The following CSMD1 variants were observed in gnomAD, a reference collection of about 807,000 sequenced individuals.
The protein encoded by CSMD1 is CUB and Sushi multiple domains 1, also known as CUB and sushi domain-containing protein 1.
Under a neutral mutation model 417.5 loss-of-function variants are expected in CSMD1, and 213 were observed. The observed-to-expected ratio is 0.51, with a 90% CI of 0.46 to 0.57. CSMD1 has a LOEUF of 0.57. Among genes scored for constraint, CSMD1 ranks in the 20% least tolerant of loss-of-function variants. CSMD1 has a pLI of 0.00. For synonymous variants in CSMD1, 2,862 were observed against 1,736.8 expected, an observed-to-expected ratio of 1.65 and a Z score of -16.11; for missense variants, 6,923 against 4,529.7, an observed-to-expected ratio of 1.53 and a Z score of -15.17.
chr8:3,494,772 G>T (rs1051447358), intron 10 of CSMD1, among the ~76,000 whole-genome samples: 1 of 152,140 alleles, frequency 6.6e-6, no homozygotes, highest in African/African-American at 2.4e-5. Flanking sequence ...GGGACAGGAG[G>T]AACAGAAACC....
intron 2 of CSMD1, among the ~76,000 whole-genome samples, chr8:4,429,475 C>T (rs1362001261): frequency 1.3e-5 from 2 of 151,302 alleles, no homozygotes; most frequent in African/African-American, 4.8e-5. Flanking sequence ...GCAACTCCTC[C>T]TGTCAATTGG....
chr8:3,891,539 C>G (rs1806974266), intron 5 of CSMD1, among the ~76,000 whole-genome samples: 2 of 151,974 alleles, frequency 1.3e-5, no homozygotes. Context: ...AAAAAAAAGC[C>G]AATAGTGGGG....
chr8:4,107,274 C>T (rs572396997), intron 3 of CSMD1, among the ~76,000 whole-genome samples: 16 of 152,216 alleles, frequency 1.1e-4, no homozygotes, highest in African/African-American at 3.6e-4. Flanking sequence ...AAGTGCTTGC[C>T]ATTTCAACAC....
intron 11 of CSMD1, among the ~76,000 whole-genome samples, chr8:3,480,667 A>G (rs1817690059): frequency 6.6e-6 from 1 of 152,154 alleles, no homozygotes; most frequent in African/African-American, 2.4e-5. Context: ...CTAAAGACAG[A>G]AAAAACAACC....
At chr8:3,021,956 C>T (rs1291343960) in intron 51 of CSMD1, among the ~76,000 whole-genome samples, 1 of 150,412 alleles carries the variant, frequency 6.6e-6, no homozygotes, top group African/African-American at 2.5e-5. Flanking sequence ...TGCGATCCCA[C>T]AGCATCTGGA....
intron 10 of CSMD1, among the ~76,000 whole-genome samples, chr8:3,529,010 A>G (rs1028381651): frequency 5.9e-5 from 9 of 152,218 alleles, no homozygotes; most frequent in African/African-American, 2.2e-4. Context: ...GAAGCCCAAA[A>G]TATTATCAAT....
At chr8:4,221,389 A>C (rs1801022070) in intron 3 of CSMD1, among the ~76,000 whole-genome samples, 1 of 152,220 alleles carries the variant, frequency 6.6e-6, no homozygotes, top group African/African-American at 2.4e-5. Context: ...AAAAAAAAAA[A>C]AAAACAACAC....
chr8:3,740,645 G>T (rs1222320154), intron 6 of CSMD1, among the ~76,000 whole-genome samples: 1 of 152,144 alleles, frequency 6.6e-6, no homozygotes, highest in Non-Finnish European at 1.5e-5. Context: ...CAAATGTAGG[G>T]ACCTGGGATG....
At chr8:3,055,321 C>G (rs967426162) in intron 49 of CSMD1, among the ~76,000 whole-genome samples, 1 of 152,100 alleles carries the variant, frequency 6.6e-6, no homozygotes, top group African/African-American at 2.4e-5. Flanking sequence ...GATCAACAAC[C>G]GGGAATCTTT....
chr8:4,649,100 T>C (rs1352945564), intron 1 of CSMD1, among the ~76,000 whole-genome samples: 1 of 152,178 alleles, frequency 6.6e-6, no homozygotes, highest in Non-Finnish European at 1.5e-5. Flanking sequence ...GAGTCATCAT[T>C]GATACACCTG....
At chr8:4,606,351 G>A (rs1278526069) in intron 2 of CSMD1, among the ~76,000 whole-genome samples, 2 of 151,804 alleles carry the variant, frequency 1.3e-5, no homozygotes, top group Non-Finnish European at 2.9e-5. Context: ...AAGGAAACAG[G>A]GAGAGAAAAA....
At chr8:3,245,184 C>T (rs774604166) in intron 26 of CSMD1, among the ~76,000 whole-genome samples, 1 of 152,206 alleles carries the variant, frequency 6.6e-6, no homozygotes, top group African/African-American at 2.4e-5. Context: ...GCACTCCTGT[C>T]TTCTGAGTTG....
In CSMD1 at chr8:4,077,279, C is replaced by CTATATATATATATGTATATA. The variant is rs1281597523; in HGVS notation, c.416-45181_416-45180insTATATACATATATATATATA. 4.5e-3 allele frequency among the ~76,000 whole-genome samples: 426 copies of CTATATATATATATGTATATA among 94,964 alleles called. 7 individuals are homozygous for CTATATATATATATGTATATA. Among genetic ancestry groups the CTATATATATATATGTATATA allele is most frequent in the Admixed American group, 8.9e-3 (85 of 9,594 alleles). 62.3% of individuals were successfully genotyped at this position (94,964 alleles called of 152,430 possible). ...CCCACTGTAAAAGCCCATTTGTCAC[C>CTATATATATATATGTATATA]TATATATATATATATGTGTATATAT... On this transcript the variant is annotated intron_variant, in intron 3 of 69. Coordinates refer to ENST00000635120, the MANE Select transcript of CSMD1 (RefSeq NM_033225.6).
chr8:3,550,486 G>A (rs572850107), intron 10 of CSMD1, among the ~76,000 whole-genome samples: 4 of 152,202 alleles, frequency 2.6e-5, no homozygotes, highest in African/African-American at 4.8e-5. Flanking sequence ...CATATCGATG[G>A]GGTGCACAGT....
At chr8:4,917,986 T>C (rs545443165) in intron 1 of CSMD1, among the ~76,000 whole-genome samples, 2 of 152,318 alleles carry the variant, frequency 1.3e-5, no homozygotes, top group Admixed American at 1.3e-4. Flanking sequence ...ATTGTTACTG[T>C]CTGTGATAAC....
chr8:3,157,706 G>C (rs1819619185), intron 39 of CSMD1, among the ~76,000 whole-genome samples, 191 bp downstream of exon 39: 1 of 152,250 alleles, frequency 6.6e-6, no homozygotes, highest in Admixed American at 6.5e-5. Flanking sequence ...AGAAGACGGA[G>C]TTGCTGCATC....
chr8:3,231,980 C>G (rs928563870), intron 26 of CSMD1, among the ~76,000 whole-genome samples: 4 of 152,192 alleles, frequency 2.6e-5, no homozygotes, highest in Non-Finnish European at 4.4e-5. Context: ...CTCTTTCTCT[C>G]AAATTGATTG....
intron 2 of CSMD1, among the ~76,000 whole-genome samples, chr8:4,570,387 G>T (rs553585983): frequency 6.6e-6 from 1 of 152,300 alleles, no homozygotes; most frequent in East Asian, 1.9e-4. Flanking sequence ...CATCTATCGG[G>T]ATAATCATGT....
chr8:4,354,748 G>C (rs1360736667), intron 3 of CSMD1, among the ~76,000 whole-genome samples: 3 of 152,012 alleles, frequency 2.0e-5, no homozygotes, highest in African/African-American at 7.2e-5. Context: ...GCAGGTGTTT[G>C]AATTCCTTTT....
Sources: gnomAD v4.1 joint callset for allele counts (sites outside exome capture counted in the v4.1 genomes callset) on GRCh38, gnomAD v4.1.1 for gene constraint, MANE v1.5 for transcripts, NCBI Gene and HGNC (gene_info 2026-07-23, HGNC 2026-07-21) for gene names.